Variants in ROBO2 observed in about 807,000 individuals in gnomAD.
ROBO2 encodes the protein roundabout guidance receptor 2.
In ROBO2, 53 loss-of-function variants were observed where a neutral mutation model predicts 160.8. The ratio of observed to expected loss-of-function variants is 0.33; its 90% confidence interval spans 0.26 to 0.41. The LOEUF is 0.41. Ranked by LOEUF, ROBO2 falls within the 10% of genes least tolerant of loss-of-function variation. ROBO2 has a pLI of 1.00. For missense variants in ROBO2, 1,577 were observed against 1,722.4 expected (o/e 0.92, Z 1.49); for synonymous variants, 664 against 611.7 (o/e 1.09, Z -1.26).
intron 2 of ROBO2, among the ~76,000 whole-genome samples, chr3:76,278,352 C>T (rs1394673792): frequency 1.3e-5 from 2 of 151,890 alleles, no homozygotes; most frequent in Non-Finnish European, 2.9e-5. Context: ...GTTTTGCATT[C>T]TAATAAACTG....
At chr3:77,258,344 G>T (rs181152815) in intron 2 of ROBO2, among the ~76,000 whole-genome samples, 25 of 152,168 alleles carry the variant, frequency 1.6e-4, no homozygotes, top group Admixed American at 1.2e-3. Context: ...AAATATGAGT[G>T]CTATAAAAGT....
intron 2 of ROBO2, among the ~76,000 whole-genome samples, chr3:77,211,789 A>C (rs548703130): frequency 3.9e-5 from 6 of 152,230 alleles, no homozygotes; most frequent in Non-Finnish European, 7.3e-5. Flanking sequence ...AGCTTTCTAC[A>C]TATGGCTACC....
intron 2 of ROBO2, among the ~76,000 whole-genome samples, chr3:76,743,505 A>G (rs956301851): frequency 4.6e-5 from 7 of 152,116 alleles, no homozygotes; most frequent in African/African-American, 1.4e-4. Context: ...AATCAACTGA[A>G]TTGCTAAAAT....
At chr3:76,184,069 C>T (rs893773034) in intron 2 of ROBO2, among the ~76,000 whole-genome samples, 9 of 152,234 alleles carry the variant, frequency 5.9e-5, no homozygotes, top group South Asian at 4.1e-4. Flanking sequence ...TATCTGTCCA[C>T]GATTGCTATG....
intron 2 of ROBO2, among the ~76,000 whole-genome samples, chr3:77,422,282 C>A (rs1208353809): frequency 3.3e-5 from 5 of 152,186 alleles, no homozygotes; most frequent in African/African-American, 1.2e-4. Context: ...CATTTCCCTC[C>A]TGTGCTCACT....
chr3:77,394,814 A>T (rs542547364), intron 2 of ROBO2, among the ~76,000 whole-genome samples: 2 of 152,280 alleles, frequency 1.3e-5, no homozygotes, highest in East Asian at 3.9e-4. Context: ...TCACTGTTTC[A>T]TATGATATTC....
Position 75,974,384 on chromosome 3 carries a change from C to T in ROBO2, c.109+36782C>T, listed in dbSNP as rs141408960. 9.4e-4 allele frequency among the ~76,000 whole-genome samples: 142 copies of T among 151,704 alleles called. 2 individuals carry two copies. In the South Asian group the frequency reaches 0.017, roughly 18 times the overall value. On this transcript the variant is annotated intron_variant, in intron 2 of 26. Coordinates refer to the ROBO2 transcript ENST00000487694. ...TTATGTTTGCTGTTGCAATTATTAT[C>T]AGCATAATAGGAAGAAATATTATGC...
intron 2 of ROBO2, among the ~76,000 whole-genome samples, chr3:76,469,336 G>A (rs141138130): frequency 7.0e-4 from 106 of 152,072 alleles, no homozygotes; most frequent in Middle Eastern, 3.4e-3. Context: ...ACCACTTGCC[G>A]TAATCCTAAT....
chr3:77,408,281 C>T (rs115992128), intron 2 of ROBO2, among the ~76,000 whole-genome samples: 1,563 of 152,112 alleles, frequency 0.01, 30 homozygotes, highest in African/African-American at 0.036. Flanking sequence ...ATTGTTTGTG[C>T]GTGTGTATGT....
chr3:76,382,405 G>T (rs959534084), intron 2 of ROBO2, among the ~76,000 whole-genome samples: 2 of 152,128 alleles, frequency 1.3e-5, no homozygotes, highest in East Asian at 1.9e-4. Flanking sequence ...TGGCTAACAC[G>T]GTGGAACCCC....
chr3:76,069,182 T>G (rs567827402), intron 2 of ROBO2, among the ~76,000 whole-genome samples: 3 of 152,314 alleles, frequency 2.0e-5, no homozygotes, highest in South Asian at 2.1e-4. Context: ...TATTACTTCT[T>G]GAAATCTAAT....
At chr3:77,207,016 G>A (rs1429184096) in intron 2 of ROBO2, among the ~76,000 whole-genome samples, 1 of 152,060 alleles carries the variant, frequency 6.6e-6, no homozygotes, top group Admixed American at 6.6e-5. Flanking sequence ...ACTAACCTTT[G>A]CATCATAAAC....
rs116825361 is a variant in ROBO2 at position 76,920,918 on chromosome 3, A to G, written c.110-177096A>G. ...GCAAAAACACAGCAATGGTTTTAAT[A>G]AAGGTTCATTAAAAACTGTGATTCT... On this transcript the variant is annotated intron_variant, in intron 2 of 26. Coordinates refer to the ROBO2 transcript ENST00000487694. Among the ~76,000 whole-genome samples the G allele has an allele frequency of 8.8e-3, 1,342 of 152,350 alleles. 25 individuals carry two copies. The highest frequency in any genetic ancestry group is 0.031 in the African/African-American group (1,279 of 41,574).
At chr3:76,202,974 T>G (rs1423128738) in intron 2 of ROBO2, among the ~76,000 whole-genome samples, 1 of 151,994 alleles carries the variant, frequency 6.6e-6, no homozygotes, top group Non-Finnish European at 1.5e-5. Flanking sequence ...GTGTAGTTCA[T>G]GAGTCCAAAC....
chr3:77,226,308 A>C (rs1352357192), intron 2 of ROBO2, among the ~76,000 whole-genome samples: 1 of 150,822 alleles, frequency 6.6e-6, no homozygotes, highest in Non-Finnish European at 1.5e-5. Flanking sequence ...TTTTTTTTTC[A>C]GTTTCACGTA....
chr3:76,603,822 G>T (rs140029757), intron 2 of ROBO2, among the ~76,000 whole-genome samples: 1 of 152,038 alleles, frequency 6.6e-6, no homozygotes, highest in Non-Finnish European at 1.5e-5. Context: ...CAATCAGTTT[G>T]TTTTTATTTT....
At chr3:76,124,773 T>C (rs2070902479) in intron 2 of ROBO2, among the ~76,000 whole-genome samples, 2 of 152,166 alleles carry the variant, frequency 1.3e-5, no homozygotes, top group South Asian at 4.1e-4. Context: ...TTTTCTGATC[T>C]GAAGAGGAAT....
chr3:76,948,990 A>G (rs1185824837), intron 2 of ROBO2, among the ~76,000 whole-genome samples: 1 of 139,146 alleles, frequency 7.2e-6, no homozygotes, highest in Non-Finnish European at 1.5e-5. Context: ...ACCTGAGGTG[A>G]TCCACCCGCC....
At chr3:77,447,184 A>G (rs1582020748) in intron 2 of ROBO2, among the ~76,000 whole-genome samples, 3 of 152,118 alleles carry the variant, frequency 2.0e-5, no homozygotes, top group Admixed American at 2.0e-4. Context: ...TTTCATAGCA[A>G]CAGCCAATGC....
Sources: gnomAD v4.1 joint callset for allele counts (sites outside exome capture counted in the v4.1 genomes callset) on GRCh38, gnomAD v4.1.1 for gene constraint, MANE v1.5 for transcripts, NCBI Gene and HGNC (gene_info 2026-07-23, HGNC 2026-07-21) for gene names.